TLK2: variants seen among roughly 807,000 people sequenced by gnomAD.
TLK2 encodes the protein serine/threonine-protein kinase tousled-like 2.
In TLK2, 6 loss-of-function variants were observed where a neutral mutation model predicts 117.3. That is an observed-to-expected ratio of 0.05 (90% CI 0.03 to 0.10). TLK2 has a LOEUF of 0.10. Among genes scored for constraint, TLK2 ranks in the 10% least tolerant of loss-of-function variants. The probability of loss-of-function intolerance (pLI) is 1.00; values close to 1 mark genes in which losing one functional copy is unlikely to be tolerated. For synonymous variants in TLK2, 257 were observed against 316.7 expected, an observed-to-expected ratio of 0.81 and a Z score of 2.00; for missense variants, 299 against 901.2, an observed-to-expected ratio of 0.33 and a Z score of 8.56.
At chr17:62,475,861 C>T (rs376271527), upstream of TLK2, among the ~76,000 whole-genome samples, 43 of 151,558 alleles carry the variant, frequency 2.8e-4, no homozygotes, top group African/African-American at 9.9e-4. Flanking sequence ...AGGGTTTCAC[C>T]GTGTTAAGAC....
chr17:62,521,865 G>A (rs567413749), intron 3 of TLK2, among the ~76,000 whole-genome samples: 7 of 152,320 alleles, frequency 4.6e-5, no homozygotes, highest in African/African-American at 1.7e-4. Context: ...TAGAAGTAGT[G>A]TAACAACAGT....
intron 2 of TLK2, among the ~76,000 whole-genome samples, chr17:62,482,616 A>G (rs2071814494): frequency 6.6e-6 from 1 of 150,888 alleles, no homozygotes; most frequent in African/African-American, 2.4e-5. Context: ...TGCCTGGTTA[A>G]TTTTTTTTAT....
chr17:62,555,023 C>T (rs2443118), intron 9 of TLK2, among the ~76,000 whole-genome samples: 100,326 of 150,980 alleles, frequency 0.66, 33,442 homozygotes, highest in East Asian at 0.81. Flanking sequence ...TGTATATATA[C>T]ACACACACAC....
intron 17 of TLK2, among the ~76,000 whole-genome samples, chr17:62,598,563 T>C (rs1817668071): frequency 6.6e-6 from 1 of 152,090 alleles, no homozygotes; most frequent in Non-Finnish European, 1.5e-5. Context: ...CTCACTCTGT[T>C]GCCCAGGCTG....
intron 2 of TLK2, among the ~76,000 whole-genome samples, chr17:62,492,496 C>T (rs771450085): frequency 6.6e-6 from 1 of 151,476 alleles, no homozygotes; most frequent in Non-Finnish European, 1.5e-5. Flanking sequence ...CTTACTCTGT[C>T]GCCCAGGCTG....
chr17:62,552,500 CT>C (rs1198069592), intron 8 of TLK2, 103 bp downstream of exon 8: 1 of 1,554,108 alleles, frequency 6.4e-7, no homozygotes, highest in African/African-American at 1.4e-5. Context: ...CTGTATTTCT[CT>C]GACCACCTCA....
At chr17:62,549,425 A>AAAAAAAAAAAGT (rs2078252712) in intron 7 of TLK2, among the ~76,000 whole-genome samples, 2 of 118,814 alleles carry the variant, frequency 1.7e-5, no homozygotes, top group Non-Finnish European at 3.6e-5. Context: ...AAAAAAAAAA[A>AAAAAAAAAAAGT]AAAAAAAAAA....
upstream of TLK2, among the ~76,000 whole-genome samples, chr17:62,476,866 G>A (rs2071060462): frequency 6.6e-6 from 1 of 151,912 alleles, no homozygotes; most frequent in Non-Finnish European, 1.5e-5. Flanking sequence ...CGGATCAACT[G>A]AGGTCAGGAA....
At chr17:62,516,426 A>G (rs1303506939) in intron 2 of TLK2, 2 of 1,591,042 alleles carry the variant, frequency 1.3e-6, no homozygotes, top group Non-Finnish European at 1.7e-6. Flanking sequence ...CAGGTAGCAC[A>G]GCACTCCTCA....
intron 1 of TLK2, among the ~76,000 whole-genome samples, chr17:62,473,687 T>C (rs1436379542): frequency 6.6e-6 from 1 of 152,210 alleles, no homozygotes; most frequent in East Asian, 1.9e-4. Context: ...ACGTAGAGGT[T>C]GGAAAACTAC....
chr17:62,593,440 C>G (rs993618900), intron 16 of TLK2, among the ~76,000 whole-genome samples: 2 of 152,114 alleles, frequency 1.3e-5, no homozygotes, highest in Non-Finnish European at 2.9e-5. Flanking sequence ...CATAATAACA[C>G]TTAGCTTAAA....
intron 11 of TLK2, 43 bp from the exon 12 acceptor site, chr17:62,573,172 C>T: frequency 6.4e-7 from 1 of 1,569,930 alleles, no homozygotes; most frequent in Non-Finnish European, 8.6e-7. Flanking sequence ...TGTGGTAAAA[C>T]TTTTGACTTT....
At chr17:62,584,358 A>C (rs1481945940) in intron 15 of TLK2, among the ~76,000 whole-genome samples, 2 of 148,498 alleles carry the variant, frequency 1.3e-5, no homozygotes, top group African/African-American at 2.5e-5. Context: ...CTCATGATCC[A>C]CCTCCCTCGG....
intron 7 of TLK2, among the ~76,000 whole-genome samples, chr17:62,546,319 G>A (rs1378777927): frequency 7.5e-6 from 1 of 133,264 alleles, no homozygotes; most frequent in Non-Finnish European, 1.6e-5. Flanking sequence ...GGCTGAGAAA[G>A]TTCCCTATTT....
chr17:62,497,974 G>T (rs1359802201), intron 2 of TLK2, among the ~76,000 whole-genome samples: 1 of 152,144 alleles, frequency 6.6e-6, no homozygotes, highest in Non-Finnish European at 1.5e-5. Flanking sequence ...GGGATTACAG[G>T]TGTGAGCCAC....
intron 19 of TLK2, among the ~76,000 whole-genome samples, chr17:62,602,795 C>G (rs2082966025): frequency 6.6e-6 from 1 of 152,156 alleles, no homozygotes; most frequent in South Asian, 2.1e-4. Flanking sequence ...CTCTGCCTGC[C>G]AGTTTTATGC....
chr17:62,512,294 C>T (rs11867710), intron 2 of TLK2, among the ~76,000 whole-genome samples: 56,591 of 136,752 alleles, frequency 0.41, 13,974 homozygotes, highest in Non-Finnish European at 0.55. Flanking sequence ...ATGGTCTCGG[C>T]TTACTGCAAC....
rs563251035 is a variant in TLK2 at position 62,574,370 on chromosome 17, A to G, written c.1121+1003A>G. The G allele has an allele frequency of 6.0e-5, 93 of 1,545,302 alleles. No individual in the cohort carries two copies. In the South Asian group the frequency reaches 1.0e-3, roughly 17 times the overall value. ...GCCCTCTTCTGGGAATACAGAGCTAAAGGATACAGCCCCAGCCTTAGGAGC... is the reference window on the plus strand; with the variant it reads ...GCCCTCTTCTGGGAATACAGAGCTAGAGGATACAGCCCCAGCCTTAGGAGC... On this transcript the variant is annotated intron_variant, in intron 12 of 21. Transcript: ENST00000346027.
chr17:62,552,194 G>A, intron 7 of TLK2, 108 bp from the exon 8 acceptor site: 1 of 845,834 alleles, frequency 1.2e-6, no homozygotes, highest in Non-Finnish European at 1.8e-6. Context: ...TCATAAGAAG[G>A]GGTTTGTATT....
Sources: gnomAD v4.1 joint callset for allele counts (sites outside exome capture counted in the v4.1 genomes callset) on GRCh38, gnomAD v4.1.1 for gene constraint, MANE v1.5 for transcripts, NCBI Gene and HGNC (gene_info 2026-07-23, HGNC 2026-07-21) for gene names.